The following TDRD5 variants were observed in gnomAD, a reference collection of about 807,000 sequenced individuals.
TDRD5 encodes the protein tudor domain containing 5.
A neutral mutation model predicts 120.6 loss-of-function variants in TDRD5; 41 were observed. The observed-to-expected ratio is 0.34, with a 90% CI of 0.26 to 0.44. TDRD5 has a LOEUF of 0.44. TDRD5 is among the 20% of genes least tolerant of loss of function. TDRD5 has a pLI of 1.00. For synonymous variants in TDRD5, 430 were observed against 433.7 expected, an observed-to-expected ratio of 0.99 and a Z score of 0.11; for missense variants, 1,006 against 1,221.2, an observed-to-expected ratio of 0.82 and a Z score of 2.63.
chr1:179,654,496 G>A, intron 14 of TDRD5, 134 bp downstream of exon 14: 8 of 974,706 alleles, frequency 8.2e-6, no homozygotes, highest in Non-Finnish European at 1.1e-5. Flanking sequence ...CAAGTGCAAT[G>A]GTTCACACCT....
chr1:179,642,093 CT>C (rs1163346949), intron 11 of TDRD5, among the ~76,000 whole-genome samples: 2 of 146,046 alleles, frequency 1.4e-5, no homozygotes, highest in African/African-American at 5.0e-5. Flanking sequence ...TTCTTACTTT[CT>C]TTTTTTCTTT....
chr1:179,639,030 G>A (rs72706748), intron 9 of TDRD5, among the ~76,000 whole-genome samples: 7,167 of 152,266 alleles, frequency 0.047, 261 homozygotes, highest in Non-Finnish European at 0.069. Flanking sequence ...AAATATTCGA[G>A]TTTTGAAGTG....
chr1:179,672,651 T>G (rs1343296444), intron 17 of TDRD5, among the ~76,000 whole-genome samples: 1 of 152,190 alleles, frequency 6.6e-6, no homozygotes, highest in African/African-American at 2.4e-5. Flanking sequence ...TCTGGGTTCT[T>G]GATCATGAAT....
intron 6 of TDRD5, among the ~76,000 whole-genome samples, chr1:179,629,539 A>G (rs1261505043): frequency 6.6e-6 from 1 of 152,234 alleles, no homozygotes; most frequent in Non-Finnish European, 1.5e-5. Context: ...TTTGTTTTTT[A>G]GGCTCAGAAA....
chr1:179,624,573 G>A (rs191775398), intron 6 of TDRD5, among the ~76,000 whole-genome samples: 12 of 152,222 alleles, frequency 7.9e-5, no homozygotes, highest in Non-Finnish European at 5.9e-5. Flanking sequence ...CAAAATACAA[G>A]GTTAGTATAC....
intron 8 of TDRD5, 152 bp downstream of exon 8, chr1:179,634,781 C>A: frequency 1.1e-6 from 1 of 929,724 alleles, no homozygotes; most frequent in Non-Finnish European, 1.5e-6. Flanking sequence ...GAAGTTATGT[C>A]ATATAGCATT....
Position 179,652,185 on chromosome 1 carries a change from G to C in TDRD5, c.2148G>C (p.Glu716Asp), listed in dbSNP as rs768638971. The C allele has an allele frequency of 6.2e-7, 1 of 1,603,572 alleles. No homozygotes were observed. Among genetic ancestry groups the C allele is most frequent in the Non-Finnish European group, 8.5e-7 (1 of 1,177,464 alleles). Residue 716 changes from glutamate (E) to aspartate (D), a missense_variant, in exon 13 of 18, where the codon GAG (glutamate) becomes GAC (aspartate). Physicochemically the swap from Glu to Asp is conservative, Grantham distance 45. This residue lies in a region of TDRD5 where 403 missense variants were observed against 448.1 expected (regional missense o/e 0.90). Coordinates refer to ENST00000444136, the MANE Select transcript of TDRD5 (RefSeq NM_001199085.3). ...RKISPQSKES[E>D]LRILQDINDE... ...TAAGTCCACAGTCAAAAGAGAGTGAGTTACGTATCTTGGTAAGAGATTTTT... is the reference window on the plus strand; with the variant it reads ...TAAGTCCACAGTCAAAAGAGAGTGACTTACGTATCTTGGTAAGAGATTTTT...
intron 4 of TDRD5, among the ~76,000 whole-genome samples, chr1:179,617,038 A>G (rs1242513246): frequency 2.0e-5 from 3 of 152,200 alleles, no homozygotes; most frequent in Non-Finnish European, 4.4e-5. Flanking sequence ...GCTTTAGGAA[A>G]TTATCTCATG....
chr1:179,665,714 C>A (rs988151024), intron 16 of TDRD5, among the ~76,000 whole-genome samples: 3 of 152,096 alleles, frequency 2.0e-5, no homozygotes, highest in Admixed American at 6.6e-5. Context: ...TTAATTTATA[C>A]CCCACGAAGA....
chr1:179,671,467 A>G (rs1679850073), intron 17 of TDRD5, among the ~76,000 whole-genome samples: 1 of 152,170 alleles, frequency 6.6e-6, no homozygotes, highest in African/African-American at 2.4e-5. Flanking sequence ...CACATACTAC[A>G]TTTTTTGTTT....
intron 4 of TDRD5, among the ~76,000 whole-genome samples, chr1:179,599,745 A>T (rs1299550593): frequency 6.6e-6 from 1 of 152,132 alleles, no homozygotes; most frequent in East Asian, 1.9e-4. Flanking sequence ...ACTTATACAC[A>T]GTCATGCACC....
intron 17 of TDRD5, among the ~76,000 whole-genome samples, chr1:179,673,275 G>T (rs1207804403): frequency 2.6e-5 from 4 of 152,124 alleles, no homozygotes; most frequent in African/African-American, 9.7e-5. Context: ...ATTTCTTTCA[G>T]CAGTGTTTTG....
intron 16 of TDRD5, 60 bp downstream of exon 16, chr1:179,663,551 GA>G: frequency 6.5e-7 from 1 of 1,532,524 alleles, no homozygotes; most frequent in Non-Finnish European, 8.7e-7. Flanking sequence ...TTCATTTTTA[GA>G]AAGCAAAATT....
At chr1:179,640,302 A>C (rs1425115132) in intron 10 of TDRD5, 77 bp from the exon 11 acceptor site, 1 of 1,515,118 alleles carries the variant, frequency 6.6e-7, no homozygotes, top group African/African-American at 1.4e-5. Flanking sequence ...TAAGAAAGTG[A>C]TTTTTTGGGT....
intron 17 of TDRD5, among the ~76,000 whole-genome samples, chr1:179,670,949 A>G (rs1343397064): frequency 6.6e-6 from 1 of 152,228 alleles, no homozygotes; most frequent in African/African-American, 2.4e-5. Flanking sequence ...AACTCAAATA[A>G]CTAAGATTTT....
At chr1:179,647,634 G>C (rs1400038370) in intron 11 of TDRD5, among the ~76,000 whole-genome samples, 1 of 151,930 alleles carries the variant, frequency 6.6e-6, no homozygotes, top group East Asian at 1.9e-4. Context: ...CACAGCAAAA[G>C]AAACTACCAT....
At chr1:179,645,116 C>T (rs111691599) in intron 11 of TDRD5, among the ~76,000 whole-genome samples, 5,631 of 120,072 alleles carry the variant, frequency 0.047, 188 homozygotes, top group Middle Eastern at 0.073. Flanking sequence ...GACGGAGTCT[C>T]GCTCTGTCGC....
chr1:179,612,115 A>G (rs1459898604), intron 4 of TDRD5, among the ~76,000 whole-genome samples: 1 of 152,240 alleles, frequency 6.6e-6, no homozygotes, highest in East Asian at 1.9e-4. Context: ...ATTAAAGTGT[A>G]AACTTTTTTC....
At position 179,591,887 on chromosome 1, in the gene TDRD5, C is replaced by T. The variant is rs922406443; in HGVS notation, c.-253C>T. 2.6e-5 allele frequency: 4 copies of T among 152,344 alleles called. No homozygotes were observed. Among genetic ancestry groups the T allele is most frequent in the African/African-American group, 7.2e-5 (3 of 41,470 alleles). 9.4% of individuals were successfully genotyped at this position (152,344 alleles called of 1,614,324 possible). On this transcript the variant is annotated 5_prime_UTR_variant, in exon 1 of 18. Coordinates refer to ENST00000444136, the MANE Select transcript of TDRD5 (RefSeq NM_001199085.3). ...TCCTGCGCCGATTCGGAGAGGGCCC[C>T]CTAATCTCTACTCGGCCCGCACCAG...
Sources: allele counts gnomAD v4.1 joint callset (sites outside exome capture counted in the v4.1 genomes callset), GRCh38; gene constraint gnomAD v4.1.1; regional missense constraint gnomAD v4.1.1; transcripts MANE v1.5; gene names NCBI Gene and HGNC (gene_info 2026-07-23, HGNC 2026-07-21).